The following GALM variants were observed in gnomAD, a reference collection of about 807,000 sequenced individuals.
GALM encodes the protein aldose 1-epimerase.
Under a neutral mutation model 37.4 loss-of-function variants are expected in GALM, and 43 were observed. The observed-to-expected ratio is 1.15, with a 90% CI of 0.90 to 1.48. The LOEUF (loss-of-function observed/expected upper bound fraction) is 1.48, where lower values mean the gene tolerates loss of function less well. GALM is among the 40% of genes most tolerant of loss of function. GALM has a pLI of 0.00. For missense variants in GALM, 456 were observed against 419.1 expected (o/e 1.09, Z -0.77); for synonymous variants, 199 against 170.6 (o/e 1.17, Z -1.30).
intron 3 of GALM, among the ~76,000 whole-genome samples, chr2:38,682,490 A>G (rs1665421278): frequency 6.6e-6 from 1 of 152,120 alleles, no homozygotes; most frequent in Non-Finnish European, 1.5e-5. Flanking sequence ...GAATTTTCCC[A>G]AATTGCAGAG....
intron 4 of GALM, among the ~76,000 whole-genome samples, chr2:38,709,606 C>T (rs1179785277): frequency 6.7e-6 from 1 of 150,118 alleles, no homozygotes; most frequent in Non-Finnish European, 1.5e-5. Flanking sequence ...AAGCCGCAAA[C>T]CCAAAGCACC....
chr2:38,731,600 A>G (rs1666611140), intron 5 of GALM, 135 bp from the exon 6 acceptor site: 1 of 687,852 alleles, frequency 1.5e-6, no homozygotes, highest in Non-Finnish European at 2.5e-6. Flanking sequence ...TGCTCTTCCT[A>G]CCTTCATCTC....
intron 4 of GALM, among the ~76,000 whole-genome samples, chr2:38,701,469 T>C (rs1665915047): frequency 6.6e-6 from 1 of 152,214 alleles, no homozygotes; most frequent in South Asian, 2.1e-4. Context: ...CTCTTCTTTT[T>C]TATTCTTATA....
Position 38,731,753 on chromosome 2 carries a change from C to G in GALM, c.795C>G (p.Ser265Arg), listed in dbSNP as rs369470594. 6.2e-7 allele frequency: 1 copy of G among 1,613,646 alleles called. No individual in the cohort carries two copies. The highest frequency in any genetic ancestry group is 8.5e-7 in the Non-Finnish European group (1 of 1,179,690). ...HFCARVHHAA[S>R]GRVLEVYTTQ... Reference sequence around the variant, plus strand: ...TTACCAGGGTGCATCATGCTGCAAGCGGGCGGGTACTAGAAGTATACACCA... The same window carrying G: ...TTACCAGGGTGCATCATGCTGCAAGGGGGCGGGTACTAGAAGTATACACCA... Residue 265 changes from serine (S) to arginine (R), a missense_variant, in exon 6 of 7, where the codon AGC (serine) becomes AGG (arginine). Ser to Arg is a moderately radical substitution (Grantham distance 110). Coordinates refer to ENST00000272252, the MANE Select transcript of GALM (RefSeq NM_138801.3).
At chr2:38,729,794 A>G in intron 5 of GALM, 97 bp downstream of exon 5, 1 of 1,004,240 alleles carries the variant, frequency 1.0e-6, no homozygotes, top group Non-Finnish European at 1.5e-6. Context: ...AATAGCATTT[A>G]CTATGCTACA....
intron 3 of GALM, among the ~76,000 whole-genome samples, chr2:38,683,383 T>C (rs1190067163): frequency 6.6e-6 from 1 of 152,198 alleles, no homozygotes; most frequent in East Asian, 1.9e-4. Flanking sequence ...TCCAAAATAC[T>C]TGAGGCCAGA....
At chr2:38,700,025 C>A (rs953673687) in intron 4 of GALM, among the ~76,000 whole-genome samples, 6 of 152,100 alleles carry the variant, frequency 3.9e-5, no homozygotes, top group African/African-American at 1.4e-4. Flanking sequence ...GATCTTGACT[C>A]ACTGCAACCT....
At chr2:38,671,869 G>A (rs562822426) in intron 1 of GALM, among the ~76,000 whole-genome samples, 6 of 152,182 alleles carry the variant, frequency 3.9e-5, no homozygotes, top group Admixed American at 2.6e-4. Flanking sequence ...GCGCATGCCT[G>A]TAGTCCCAGC....
intron 4 of GALM, among the ~76,000 whole-genome samples, chr2:38,699,543 T>G (rs1665875390): frequency 6.6e-6 from 1 of 152,094 alleles, no homozygotes; most frequent in African/African-American, 2.4e-5. Context: ...TTAGGCTGTG[T>G]GCGGTGGCTC....
At chr2:38,688,479 C>T (rs577411552) in intron 3 of GALM, among the ~76,000 whole-genome samples, 54 of 151,992 alleles carry the variant, frequency 3.6e-4, no homozygotes, top group African/African-American at 1.3e-3. Context: ...CCATTGCATT[C>T]CGGCCTTGGC....
intron 4 of GALM, among the ~76,000 whole-genome samples, chr2:38,702,951 A>T (rs1261647902): frequency 7.7e-6 from 1 of 129,930 alleles, no homozygotes; most frequent in African/African-American, 3.0e-5. Context: ...TATATATATA[A>T]TATGTGTAAT....
chr2:38,666,850 A>G (rs1664953245), intron 1 of GALM, among the ~76,000 whole-genome samples: 1 of 152,122 alleles, frequency 6.6e-6, no homozygotes, highest in Admixed American at 6.6e-5. Flanking sequence ...GTGGTTGCCT[A>G]GTACACCAGC....
intron 4 of GALM, among the ~76,000 whole-genome samples, chr2:38,712,263 C>G (rs1233157945): frequency 5.3e-5 from 8 of 152,156 alleles, no homozygotes. Context: ...TACACAAGGT[C>G]AGAGGCCATG....
chr2:38,706,576 A>G (rs1666040144), intron 4 of GALM, among the ~76,000 whole-genome samples: 1 of 148,814 alleles, frequency 6.7e-6, no homozygotes, highest in African/African-American at 2.5e-5. Context: ...GCTACTCGGG[A>G]GGCTGAGGCT....
At chr2:38,707,862 C>G (rs1369461421) in intron 4 of GALM, among the ~76,000 whole-genome samples, 1 of 152,140 alleles carries the variant, frequency 6.6e-6, no homozygotes, top group East Asian at 1.9e-4. Flanking sequence ...AATCCCAGCA[C>G]TCTGGGAGGC....
intron 6 of GALM, among the ~76,000 whole-genome samples, chr2:38,732,132 C>G (rs929537038): frequency 2.9e-4 from 44 of 152,198 alleles, no homozygotes; most frequent in Non-Finnish European, 2.8e-4. Context: ...TCTCAGCTCA[C>G]TGCAACCTCC....
intron 1 of GALM, among the ~76,000 whole-genome samples, chr2:38,669,734 A>G (rs1007212013): frequency 1.5e-4 from 23 of 152,068 alleles, no homozygotes; most frequent in South Asian, 2.1e-4. Context: ...TTAGCTGGGC[A>G]TGGTGGCGCA....
At chr2:38,727,272 C>T (rs1332030448) in intron 4 of GALM, among the ~76,000 whole-genome samples, 1 of 151,642 alleles carries the variant, frequency 6.6e-6, no homozygotes, top group East Asian at 1.9e-4. Flanking sequence ...CAGATTCTCT[C>T]GGTTAAACAG....
chr2:38,668,552 G>C (rs1160830713), intron 1 of GALM: 1 of 152,174 alleles, frequency 6.6e-6, no homozygotes, highest in African/African-American at 2.4e-5. Context: ...CAGAGGATGG[G>C]AAGGAGACTT....
Sources: allele counts gnomAD v4.1 joint callset (sites outside exome capture counted in the v4.1 genomes callset), GRCh38; gene constraint gnomAD v4.1.1; transcripts MANE v1.5; gene names NCBI Gene and HGNC (gene_info 2026-07-23, HGNC 2026-07-21).